Variants in MICB observed in about 807,000 individuals in gnomAD.
The protein encoded by MICB is MHC class I polypeptide-related sequence B.
A neutral mutation model predicts 34.3 loss-of-function variants in MICB; 27 were observed. The observed-to-expected ratio is 0.79, with a 90% confidence interval of 0.58 to 1.08. MICB has a LOEUF of 1.08. MICB is among the 50% of genes least tolerant of loss of function. MICB has a pLI of 0.00. For missense variants in MICB, 426 were observed against 483.1 expected (o/e 0.88, Z 1.11); for synonymous variants, 153 against 187.4 (o/e 0.82, Z 1.50).
chr6:31,506,049 G>C (rs60194970), intron 2 of MICB, 94 bp from the exon 3 acceptor site: 3 of 1,498,014 alleles, frequency 2.0e-6, no homozygotes, highest in Admixed American at 2.2e-5. Flanking sequence ...GCATGGAGGA[G>C]GGCCAGGGAG....
chr6:31,498,703 G>C, intron 1 of MICB: 1 of 155,132 alleles, frequency 6.4e-6, no homozygotes, highest in Non-Finnish European at 1.4e-5. Flanking sequence ...TCCTGACCTC[G>C]TGATCCGCCC....
Position 31,507,332 on chromosome 6 carries a change from G to T in MICB, c.892+32G>T. The T allele has an allele frequency of 1.9e-6, 3 of 1,612,894 alleles. No individual in the cohort carries two copies. The South Asian group carries it at 3.3e-5, about 18-fold the overall frequency. ...CTGGGGTGACCCTGGAGAGGGTCAG[G>T]CCAGGGTAGGAACAGCAAGGACGGC... On this transcript the variant is annotated intron_variant, in intron 4 of 5. Transcript: ENST00000252229. This position sits in a 1 kb window ranked among gnomAD's most constrained non-coding sequence, Gnocchi z 6.0.
chr6:31,503,153 C>T (rs1765096570), intron 1 of MICB, among the ~76,000 whole-genome samples: 1 of 152,058 alleles, frequency 6.6e-6, no homozygotes, highest in Non-Finnish European at 1.5e-5. Flanking sequence ...TGATATTTGC[C>T]TCAATGTTCA....
Position 31,507,618 on chromosome 6 carries a change from A to T in MICB, c.1024+87A>T. The T allele has an allele frequency of 6.6e-7, 1 of 1,525,974 alleles. No homozygotes were observed. The highest frequency in any genetic ancestry group is 9.0e-7 in the Non-Finnish European group (1 of 1,113,346). The allele number at this position is 1,525,974 out of a possible 1,614,324, so 94.5% of individuals were successfully genotyped here. On this transcript the variant is annotated intron_variant, in intron 5 of 5. Transcript: ENST00000252229. This position sits in a 1 kb window ranked among gnomAD's most constrained non-coding sequence, Gnocchi z 6.0. ...CATTGCTCCTGCCCAGACAAGACGT[A>T]GGTGACAAGGCTGCTGGGACAGGGG...
intron 3 of MICB, 73 bp downstream of exon 3, chr6:31,506,503 G>A (rs2242955): frequency 0.12 from 178,340 of 1,510,080 alleles, 10,845 homozygotes; most frequent in South Asian, 0.15. Flanking sequence ...AGCTCTGTCC[G>A]GGGAAACCCT....
In MICB at chr6:31,507,632, C is replaced by A; in HGVS notation, c.1024+101C>A. The A allele has an allele frequency of 6.9e-7, 1 of 1,443,468 alleles. No homozygotes were observed. The highest frequency in any genetic ancestry group is 9.6e-7 in the Non-Finnish European group (1 of 1,044,566). 89.4% of individuals were successfully genotyped at this position (1,443,468 alleles called of 1,614,324 possible). On this transcript the variant is annotated intron_variant, in intron 5 of 5. Coordinates refer to ENST00000252229, the MANE Select transcript of MICB (RefSeq NM_005931.5). The surrounding 1 kb of genome is among the most constrained non-coding windows in gnomAD (Gnocchi z 6.0). ...AGACAAGACGTAGGTGACAAGGCTG[C>A]TGGGACAGGGGATGGAAGCTGGGGT...
In MICB at chr6:31,507,462, T is replaced by A. The variant is rs772831299; in HGVS notation, c.955T>A (p.Cys319Ser). The A allele has an allele frequency of 4.3e-6, 7 of 1,614,082 alleles. No individual in the cohort carries two copies. The highest frequency in any genetic ancestry group is 5.9e-6 in the Non-Finnish European group (7 of 1,179,996). Residue 319 changes from cysteine to serine, a missense_variant, in exon 5 of 6, where the codon TGT (cysteine) becomes AGT (serine). Coordinates refer to ENST00000252229, the MANE Select transcript of MICB (RefSeq NM_005931.5). The surrounding 1 kb of genome is among the most constrained non-coding windows in gnomAD (Gnocchi z 6.0). Reference protein sequence around the residue: ...DFPYVSAAMPCFVIIIILCVP... With the variant: ...DFPYVSAAMPSFVIIIILCVP... ...TCCATATGTTTCTGCTGCTATGCCATGTTTTGTTATTATTATTATTCTCTG... is the reference window on the plus strand; with the variant it reads ...TCCATATGTTTCTGCTGCTATGCCAAGTTTTGTTATTATTATTATTCTCTG...
chr6:31,508,317 A>G (rs3131636), intron 5 of MICB, among the ~76,000 whole-genome samples: 117,582 of 152,132 alleles, frequency 0.77, 45,690 homozygotes, highest in East Asian at 0.88. Flanking sequence ...AGTAAGGGAC[A>G]GTCAGAAGCA....
At chr6:31,498,491 A>T (rs1440286574) in intron 1 of MICB, among the ~76,000 whole-genome samples, 2 of 104,688 alleles carry the variant, frequency 1.9e-5, no homozygotes, top group African/African-American at 3.8e-5. Context: ...TTTCTTTCTG[A>T]GACGGAGTCT....
At position 31,507,389 on chromosome 6, in the gene MICB, C is replaced by T; in HGVS notation, c.893-11C>T. The T allele has an allele frequency of 1.2e-6, 2 of 1,614,044 alleles. No individual in the cohort carries two copies. Among genetic ancestry groups the T allele is most frequent in the Non-Finnish European group, 1.7e-6 (2 of 1,180,008 alleles). On this transcript the variant is annotated splice_polypyrimidine_tract_variant and intron_variant, in intron 4 of 5. Transcript: ENST00000252229. This position sits in a 1 kb window ranked among gnomAD's most constrained non-coding sequence, Gnocchi z 6.0. ...TCTCTGCCCAGTGTATAACAAGTCC[C>T]TTTTTTTCAGGGAAGGCGCTGGTGC... is the stretch of plus-strand genomic sequence containing the variant.
chr6:31,509,557 C>T (rs977189454), intron 5 of MICB, among the ~76,000 whole-genome samples: 4 of 152,054 alleles, frequency 2.6e-5, no homozygotes, highest in South Asian at 2.1e-4. Context: ...ACTCCCTGCA[C>T]GGTGAGTGGT....
At chr6:31,495,211 C>G (rs1312992091), upstream of MICB, among the ~76,000 whole-genome samples, 1 of 152,124 alleles carries the variant, frequency 6.6e-6, no homozygotes, top group African/African-American at 2.4e-5. Flanking sequence ...GAAACCGCTT[C>G]TAAATGCCTT....
intron 1 of MICB, among the ~76,000 whole-genome samples, chr6:31,499,548 C>CG (rs9281512): frequency 0.49 from 73,966 of 151,544 alleles, 18,521 homozygotes; most frequent in East Asian, 0.64. Flanking sequence ...GCCTTTTGTC[C>CG]GGGGGGGTCT....
chr6:31,498,249 C>G lies in MICB; in HGVS notation c.56C>G (p.Pro19Arg). Reference protein sequence around the residue: ...FLAVAFPFAPPAAAAEPHSLR... With the variant: ...FLAVAFPFAPRAAAAEPHSLR... ...GCCGTCGCCTTCCCTTTTGCACCCC[C>G]GGCAGCCGCCGCTGGTGAGTGGGGT... The change falls in exon 1 of 6, where the codon CCG becomes CGG. Residue 19 changes from proline (P) to arginine (R), a missense_variant. By Grantham distance (103) the Pro-to-Arg change is moderately radical. Coordinates refer to ENST00000252229, the MANE Select transcript of MICB (RefSeq NM_005931.5). The G allele has an allele frequency of 6.4e-7, 1 of 1,573,870 alleles. No individual in the cohort carries two copies. The highest frequency in any genetic ancestry group is 8.6e-7 in the Non-Finnish European group (1 of 1,158,022).
chr6:31,503,957 G>T (rs989019996), intron 1 of MICB, among the ~76,000 whole-genome samples: 1 of 66,430 alleles, frequency 1.5e-5, no homozygotes, highest in Admixed American at 1.8e-4. Context: ...TGCTGTGTGT[G>T]TGTGTGTGTG....
At chr6:31,506,777 T>A (rs937636307) in intron 3 of MICB, among the ~76,000 whole-genome samples, 1 of 151,696 alleles carries the variant, frequency 6.6e-6, no homozygotes, top group Non-Finnish European at 1.5e-5. Flanking sequence ...GACCCAGGAG[T>A]CCACCCTTGA....
chr6:31,504,547 C>T (rs1345316052), intron 1 of MICB, among the ~76,000 whole-genome samples: 1 of 151,976 alleles, frequency 6.6e-6, no homozygotes, highest in Non-Finnish European at 1.5e-5. Flanking sequence ...GCTTGAGCCA[C>T]CACGCCTGGC....
At chr6:31,503,604 T>C (rs1765117359) in intron 1 of MICB, among the ~76,000 whole-genome samples, 1 of 152,240 alleles carries the variant, frequency 6.6e-6, no homozygotes, top group East Asian at 1.9e-4. Flanking sequence ...TCGAGGTTCA[T>C]CCAGGTTGTA....
intron 1 of MICB, among the ~76,000 whole-genome samples, chr6:31,504,248 CTTTTTCTTTTTTTTTT>C (rs745562026): frequency 0.056 from 3,998 of 71,442 alleles, 102 homozygotes; most frequent in Middle Eastern, 0.11. Context: ...TAATCTCTCT[CTTTTTCTTTTTTTTTT>C]TTTTTTTTTT....
Sources: allele counts gnomAD v4.1 joint callset (sites outside exome capture counted in the v4.1 genomes callset), GRCh38; gene constraint gnomAD v4.1.1; non-coding constraint Gnocchi (gnomAD v3.1); transcripts MANE v1.5; gene names NCBI Gene and HGNC (gene_info 2026-07-23, HGNC 2026-07-21).